TJP2: variants seen among roughly 807,000 people sequenced by gnomAD.
TJP2 encodes tight junction protein 2, also known as Friedreich ataxia region gene X104 (tight junction protein ZO-2).
TJP2 carries 91 observed loss-of-function variants against 133.1 expected under a neutral mutation model. That is an observed-to-expected ratio of 0.68 (90% CI 0.58 to 0.81). The LOEUF is 0.81. TJP2 is among the 40% of genes least tolerant of loss of function. The probability of loss-of-function intolerance (pLI) is 0.00; values close to 1 mark genes in which losing one functional copy is unlikely to be tolerated. For synonymous variants in TJP2, 592 were observed against 583.4 expected, an observed-to-expected ratio of 1.01 and a Z score of -0.21; for missense variants, 1,541 against 1,565.6, an observed-to-expected ratio of 0.98 and a Z score of 0.26.
At chr9:69,172,918 A>G (rs945976710), upstream of TJP2, among the ~76,000 whole-genome samples, 1 of 152,162 alleles carries the variant, frequency 6.6e-6, no homozygotes. Context: ...TCAGGAGAGC[A>G]ATGCCTTACA....
intron 2 of TJP2, among the ~76,000 whole-genome samples, chr9:69,156,500 A>T (rs1200268093): frequency 6.6e-6 from 1 of 151,594 alleles, no homozygotes; most frequent in African/African-American, 2.4e-5. Flanking sequence ...GGGAGACATA[A>T]TACATCAATC....
chr9:69,189,033 A>C (rs945122429), intron 1 of TJP2, among the ~76,000 whole-genome samples: 1 of 152,200 alleles, frequency 6.6e-6, no homozygotes, highest in African/African-American at 2.4e-5. Context: ...AAATACCTCC[A>C]AGAGGTTTTA....
At chr9:69,214,665 G>A (rs888053191) in intron 2 of TJP2, among the ~76,000 whole-genome samples, 9 of 151,946 alleles carry the variant, frequency 5.9e-5, no homozygotes, top group Non-Finnish European at 1.2e-4. Flanking sequence ...TCAGGAGATC[G>A]AGACCATCCT....
At chr9:69,137,349 G>A (rs1338699013) in intron 1 of TJP2, among the ~76,000 whole-genome samples, 1 of 116,628 alleles carries the variant, frequency 8.6e-6, no homozygotes, top group Non-Finnish European at 1.8e-5. Flanking sequence ...TTTGAGACAG[G>A]GTTTTGCTTT....
intron 3 of TJP2, among the ~76,000 whole-genome samples, chr9:69,216,989 C>CT (rs10718586): frequency 2.9e-4 from 39 of 133,440 alleles, no homozygotes; most frequent in East Asian, 6.9e-4. Context: ...TTTTTCTTTT[C>CT]TTTTTTTTTT....
chr9:69,170,146 C>T (rs1469868724), upstream of TJP2, among the ~76,000 whole-genome samples: 1 of 152,152 alleles, frequency 6.6e-6, no homozygotes, highest in Non-Finnish European at 1.5e-5. Flanking sequence ...CTGCACCTAG[C>T]TGACCAACCT....
At chr9:69,198,826 A>G (rs547669454) in intron 1 of TJP2, among the ~76,000 whole-genome samples, 13 of 152,386 alleles carry the variant, frequency 8.5e-5, no homozygotes, top group Admixed American at 7.8e-4. Context: ...AACAAACGCT[A>G]CAGAAAGTAT....
chr9:69,191,046 A>T (rs945083296), intron 1 of TJP2, among the ~76,000 whole-genome samples: 1 of 152,180 alleles, frequency 6.6e-6, no homozygotes, highest in African/African-American at 2.4e-5. Flanking sequence ...GACTTGTGGG[A>T]AGATGCTGGC....
intron 5 of TJP2, among the ~76,000 whole-genome samples, chr9:69,224,449 G>A (rs1240710489): frequency 2.0e-5 from 3 of 152,098 alleles, no homozygotes; most frequent in East Asian, 1.9e-4. Flanking sequence ...AGGCCGAGGC[G>A]GGTGGATCAC....
intron 1 of TJP2, among the ~76,000 whole-genome samples, chr9:69,191,994 T>C (rs1826235391): frequency 6.6e-6 from 1 of 151,924 alleles, no homozygotes; most frequent in Admixed American, 6.6e-5. Context: ...TGCCTCTGTC[T>C]CCCAAAGTGC....
At chr9:69,214,448 G>A (rs1030174891) in intron 2 of TJP2, among the ~76,000 whole-genome samples, 3 of 152,146 alleles carry the variant, frequency 2.0e-5, no homozygotes. Flanking sequence ...TCACCATTGT[G>A]CATTGCTAGA....
rs373061583 is a variant in TJP2 at position 69,158,981 on chromosome 9, C to T, written c.-10+7210C>T. On this transcript the variant is annotated intron_variant, in intron 2 of 5. Transcript: ENST00000423935. ...GGCAATCCCCTTGGGCAGGATTCACCGCCCCCCCCCCATCAAAATTATTTG... is the reference window on the plus strand; with the variant it reads ...GGCAATCCCCTTGGGCAGGATTCACTGCCCCCCCCCCATCAAAATTATTTG... 1.3e-3 allele frequency among the ~76,000 whole-genome samples: 188 copies of T among 148,342 alleles called. 1 individual carries two copies. Among genetic ancestry groups the T allele is most frequent in the South Asian group, 5.7e-3 (27 of 4,744 alleles).
At chr9:69,168,121 T>C (rs545199215) in intron 2 of TJP2, among the ~76,000 whole-genome samples, 28 of 152,304 alleles carry the variant, frequency 1.8e-4, no homozygotes, top group Admixed American at 1.3e-3. Flanking sequence ...TGAATGTTTC[T>C]AAAGGAAAAG....
rs1377619434 is a variant in TJP2 at position 69,248,913 on chromosome 9, C to T, written c.2881-462C>T. On this transcript the variant is annotated intron_variant, in intron 19 of 22. Coordinates refer to ENST00000377245, the MANE Select transcript of TJP2 (RefSeq NM_004817.4). ...TGGATAATTATTGCTGTGGATTTCT[C>T]TCTAGCATTTTAGCTCATTCCAGTA... 5.1e-6 allele frequency: 5 copies of T among 988,786 alleles called. No homozygotes were observed. The Admixed American group carries it at 2.3e-4, about 46-fold the overall frequency. 61.3% of individuals were successfully genotyped at this position (988,786 alleles called of 1,614,324 possible). A position where few individuals can be genotyped will look rare whatever the true frequency, so the allele number is the denominator to read the frequency against.
intron 6 of TJP2, 117 bp downstream of exon 6, chr9:69,225,524 A>G: frequency 1.3e-6 from 1 of 741,144 alleles, no homozygotes; most frequent in Non-Finnish European, 2.4e-6. Context: ...GGTAAGACAG[A>G]GGTGGCAAGA....
chr9:69,238,110 T>C, intron 15 of TJP2, 137 bp downstream of exon 15: 1 of 697,282 alleles, frequency 1.4e-6, no homozygotes, highest in South Asian at 1.5e-5. Context: ...ACGCATTTTC[T>C]CTCACCCACT....
chr9:69,164,429 C>G (rs1249680218), intron 2 of TJP2, among the ~76,000 whole-genome samples: 3 of 152,046 alleles, frequency 2.0e-5, no homozygotes, highest in Non-Finnish European at 2.9e-5. Context: ...AGAGGAGGGC[C>G]TTTTTATTTA....
In TJP2 at chr9:69,207,269, A is replaced by G. The variant is rs1827506336; in HGVS notation, c.61-5279A>G. ...GTGTTAAGTATATTCAAGTTGTTGT[A>G]AAACATTGTTTTTTGAGCTATATAA... is the stretch of plus-strand genomic sequence containing the variant. On this transcript the variant is annotated intron_variant, in intron 1 of 22. Coordinates refer to ENST00000377245, the MANE Select transcript of TJP2 (RefSeq NM_004817.4). Among the ~76,000 whole-genome samples the G allele has an allele frequency of 2.0e-5, 3 of 152,244 alleles. No individual in the cohort carries two copies. The South Asian group carries it at 6.2e-4, about 32-fold the overall frequency.
chr9:69,204,960 T>A, intron 1 of TJP2: 1 of 1,303,622 alleles, frequency 7.7e-7, no homozygotes, highest in South Asian at 2.7e-5. Flanking sequence ...TCCAAACTGC[T>A]TTCTTTTTTG....
Sources: allele counts gnomAD v4.1 joint callset (sites outside exome capture counted in the v4.1 genomes callset), GRCh38; gene constraint gnomAD v4.1.1; transcripts MANE v1.5; gene names NCBI Gene and HGNC (gene_info 2026-07-23, HGNC 2026-07-21).